Variants in SPHKAP observed in about 807,000 individuals in gnomAD.
SPHKAP encodes the protein A-kinase anchor protein SPHKAP.
A neutral mutation model predicts 137.5 loss-of-function variants in SPHKAP; 67 were observed. The ratio of observed to expected loss-of-function variants is 0.49; its 90% confidence interval spans 0.40 to 0.60. The LOEUF is 0.60. Among genes scored for constraint, SPHKAP ranks in the 20% least tolerant of loss-of-function variants. SPHKAP has a pLI of 0.00. For missense variants in SPHKAP, 2,097 were observed against 2,069.3 expected, an observed-to-expected ratio of 1.01 and a Z score of -0.26; for synonymous variants, 813 against 785.3, an observed-to-expected ratio of 1.04 and a Z score of -0.59.
intron 8 of SPHKAP, among the ~76,000 whole-genome samples, chr2:227,994,956 C>T (rs189272837): frequency 6.6e-6 from 1 of 152,280 alleles, no homozygotes; most frequent in East Asian, 1.9e-4. Context: ...TTAGAGGTTC[C>T]ACCTCAGCAA....
chr2:228,117,409 A>G (rs540830871), intron 2 of SPHKAP, among the ~76,000 whole-genome samples: 3 of 152,196 alleles, frequency 2.0e-5, no homozygotes, highest in Non-Finnish European at 4.4e-5. Flanking sequence ...CACTCAGAGG[A>G]GACTCTCCAG....
intron 1 of SPHKAP, chr2:228,132,390 A>G (rs1401780729): frequency 1.7e-5 from 4 of 229,460 alleles, no homozygotes; most frequent in Non-Finnish European, 2.9e-5. Context: ...TTAAGCAAGC[A>G]GCTTTAAAAC....
chr2:228,153,768 G>A (rs557385998), intron 1 of SPHKAP, among the ~76,000 whole-genome samples: 25 of 152,130 alleles, frequency 1.6e-4, no homozygotes, highest in Non-Finnish European at 3.7e-4. Context: ...GAGGACTGAT[G>A]AATAATTTTG....
intron 3 of SPHKAP, among the ~76,000 whole-genome samples, chr2:228,028,890 T>TG (rs1695171846): frequency 6.6e-6 from 1 of 152,178 alleles, no homozygotes; most frequent in African/African-American, 2.4e-5. Context: ...AGCATTCAGA[T>TG]GGGGTTGGAG....
At chr2:228,037,601 C>G (rs982198208) in intron 3 of SPHKAP, among the ~76,000 whole-genome samples, 1 of 152,066 alleles carries the variant, frequency 6.6e-6, no homozygotes, top group Non-Finnish European at 1.5e-5. Context: ...CTCATGTAAA[C>G]AGAACCCCCC....
intron 3 of SPHKAP, among the ~76,000 whole-genome samples, chr2:228,035,869 A>G (rs1695568460): frequency 6.6e-6 from 1 of 152,096 alleles, no homozygotes; most frequent in South Asian, 2.1e-4. Context: ...TATGCCCTAT[A>G]CAAAAATTAA....
chr2:228,093,296 A>G (rs1697865193), intron 3 of SPHKAP, among the ~76,000 whole-genome samples: 2 of 152,224 alleles, frequency 1.3e-5, no homozygotes, highest in African/African-American at 4.8e-5. Flanking sequence ...ATACCAAAGA[A>G]TAATAAAATT....
chr2:227,992,213 T>C (rs1469892128), intron 9 of SPHKAP, among the ~76,000 whole-genome samples: 3 of 152,260 alleles, frequency 2.0e-5, no homozygotes, highest in African/African-American at 7.2e-5. Context: ...GATGATTCTC[T>C]CATTCTGCTA....
rs1433718064 is a variant in SPHKAP at position 228,031,351 on chromosome 2, G to GCAAA, written c.247-3812_247-3809dup. ...TTGGCCATTGCCCAGGCTTGATTAG[G>GCAAA]CAAACAAAAATGCCAGGAAGCTCGA... On this transcript the variant is annotated intron_variant, in intron 3 of 11. Transcript: ENST00000392056. Among the ~76,000 whole-genome samples, 7 of 152,314 alleles carry GCAAA rather than the reference G, an allele frequency of 4.6e-5. No individual in the cohort carries two copies. In the East Asian group the frequency reaches 1.2e-3, roughly 25 times the overall value.
chr2:228,150,977 C>A (rs1699911205), intron 1 of SPHKAP, among the ~76,000 whole-genome samples: 1 of 151,820 alleles, frequency 6.6e-6, no homozygotes. Flanking sequence ...TACATGTGCA[C>A]AATGTGCAGG....
chr2:228,173,161 C>T (rs1283511327), intron 1 of SPHKAP, among the ~76,000 whole-genome samples: 1 of 152,076 alleles, frequency 6.6e-6, no homozygotes, highest in Non-Finnish European at 1.5e-5. Flanking sequence ...TAGCCTTGTC[C>T]CTCTTCCTTT....
intron 3 of SPHKAP, among the ~76,000 whole-genome samples, chr2:228,031,516 G>T (rs1349079502): frequency 2.6e-5 from 4 of 152,236 alleles, no homozygotes; most frequent in Non-Finnish European, 4.4e-5. Context: ...TTTGAAGAGA[G>T]TAGTGGTTCT....
At chr2:228,116,260 T>G (rs139663895) in intron 2 of SPHKAP, among the ~76,000 whole-genome samples, 1 of 152,292 alleles carries the variant, frequency 6.6e-6, no homozygotes, top group East Asian at 1.9e-4. Context: ...CTTCCTTATC[T>G]CTGAAATCCA....
intron 3 of SPHKAP, among the ~76,000 whole-genome samples, chr2:228,088,184 C>T (rs573912785): frequency 6.6e-6 from 1 of 152,168 alleles, no homozygotes; most frequent in East Asian, 1.9e-4. Context: ...TAAATATATA[C>T]TTCCTCTCTA....
Position 228,018,313 on chromosome 2 carries a change from A to C in SPHKAP, c.2541T>G (p.His847Gln), listed in dbSNP as rs3811515. 404,420 of 1,613,900 alleles carry C rather than the reference A, an allele frequency of 0.25. 54,530 individuals carry two copies. Among genetic ancestry groups the C allele is most frequent in the South Asian group, 0.42 (38,637 of 91,068 alleles). The change falls in exon 7 of 12, where the codon CAT becomes CAG. Residue 847 changes from histidine to glutamine, a missense_variant. His to Gln is a conservative substitution (Grantham distance 24). Coordinates refer to ENST00000392056, the MANE Select transcript of SPHKAP (RefSeq NM_001142644.2). Reference sequence around the variant, plus strand: ...AGGCTCTGCATTCATTCTCACTGTGATGAGGGCTTTTTGTATCCTCTCCTG... The same window carrying C: ...AGGCTCTGCATTCATTCTCACTGTGCTGAGGGCTTTTTGTATCCTCTCCTG... ...GIAGEDTKSP[H>Q]HSENECRASS...
At chr2:228,100,233 G>A (rs1245177515) in intron 3 of SPHKAP, among the ~76,000 whole-genome samples, 1 of 152,158 alleles carries the variant, frequency 6.6e-6, no homozygotes, top group Admixed American at 6.5e-5. Context: ...GAGCCTTTTT[G>A]TGGAGTCTTT....
intron 3 of SPHKAP, among the ~76,000 whole-genome samples, chr2:228,073,373 A>G (rs1358131957): frequency 6.6e-6 from 1 of 152,210 alleles, no homozygotes; most frequent in Non-Finnish European, 1.5e-5. Flanking sequence ...GACACTGCCT[A>G]CCTGAAAATA....
intron 6 of SPHKAP, 111 bp downstream of exon 6, chr2:228,021,600 A>G: frequency 1.2e-5 from 16 of 1,281,280 alleles, no homozygotes; most frequent in Non-Finnish European, 1.7e-5. Context: ...CAGCAAGTAA[A>G]GACTGTGATG....
chr2:228,020,622 CAAGTT>C (rs1414816901), intron 6 of SPHKAP, among the ~76,000 whole-genome samples: 1 of 151,976 alleles, frequency 6.6e-6, no homozygotes, highest in African/African-American at 2.4e-5. Context: ...ATGTAAATGA[CAAGTT>C]AATGGGTACA....
Sources: gnomAD v4.1 joint callset for allele counts (sites outside exome capture counted in the v4.1 genomes callset) on GRCh38, gnomAD v4.1.1 for gene constraint, MANE v1.5 for transcripts, NCBI Gene and HGNC (gene_info 2026-07-23, HGNC 2026-07-21) for gene names.